The following MEOX1 variants were observed in gnomAD, a reference collection of about 807,000 sequenced individuals.
The protein encoded by MEOX1 is mesenchyme homeobox 1, also known as homeobox protein MOX-1.
In MEOX1, 17 loss-of-function variants were observed where a neutral mutation model predicts 23.2. The ratio of observed to expected loss-of-function variants is 0.73; its 90% CI spans 0.50 to 1.10. The LOEUF (loss-of-function observed/expected upper bound fraction) is 1.10, where lower values mean the gene tolerates loss of function less well. MEOX1 is among the 50% of genes least tolerant of loss of function. The pLI, the probability that MEOX1 is intolerant of heterozygous loss-of-function variation, is 0.00. For missense variants in MEOX1, 333 were observed against 332.2 expected (o/e 1.00, Z -0.02); for synonymous variants, 134 against 135.1 (o/e 0.99, Z 0.06).
chr17:43,644,469 T>C (rs1972765966), intron 1 of MEOX1, among the ~76,000 whole-genome samples: 2 of 152,230 alleles, frequency 1.3e-5, no homozygotes, highest in Admixed American at 1.3e-4. Flanking sequence ...AGCCTCTTAT[T>C]CCTCAATAGC....
At chr17:43,661,037 G>A in intron 1 of MEOX1, 29 bp downstream of exon 1, 1 of 1,409,316 alleles carries the variant, frequency 7.1e-7, no homozygotes, top group Non-Finnish European at 9.6e-7. Context: ...CACAGTAAAG[G>A]AATGATCAGC....
intron 1 of MEOX1, among the ~76,000 whole-genome samples, chr17:43,649,011 G>A (rs975276230): frequency 5.3e-5 from 8 of 152,162 alleles, no homozygotes; most frequent in Non-Finnish European, 8.8e-5. Context: ...AGTCCTTTAG[G>A]TTCTTGGAGC....
chr17:43,652,260 C>T (rs1160879553), intron 1 of MEOX1, among the ~76,000 whole-genome samples: 2 of 152,148 alleles, frequency 1.3e-5, no homozygotes, highest in African/African-American at 2.4e-5. Context: ...TCAAACCACA[C>T]CCCACCCAGC....
At chr17:43,645,472 C>T (rs371144789) in intron 1 of MEOX1, among the ~76,000 whole-genome samples, 4 of 152,158 alleles carry the variant, frequency 2.6e-5, no homozygotes, top group African/African-American at 4.8e-5. Flanking sequence ...CCACTGCGCC[C>T]GGTCCATTTT....
chr17:43,661,418 C>T lies in MEOX1; in HGVS notation c.117G>A (p.Pro39=), dbSNP rs201140101. Residue 39 remains proline, a synonymous_variant, in exon 1 of 3, where the codon CCG becomes CCA. Coordinates refer to ENST00000318579, the MANE Select transcript of MEOX1 (RefSeq NM_004527.4). ...TCTGGTGGAAGGAGAACGGGGTGGGCGGGTAGTGGGGTAGCCCTGAGGCCC... is the reference window on the plus strand; with the variant it reads ...TCTGGTGGAAGGAGAACGGGGTGGGTGGGTAGTGGGGTAGCCCTGAGGCCC... ...GNGASGLPHY[P]PTPFSFHQKP... 15 of 611,896 alleles carry T rather than the reference C, an allele frequency of 2.5e-5. No homozygotes were observed. The highest frequency in any genetic ancestry group is 2.1e-4 in the East Asian group (4 of 18,928). 37.9% of individuals were successfully genotyped at this position (611,896 alleles called of 1,614,324 possible).
chr17:43,656,632 G>A (rs1973024743), intron 1 of MEOX1, among the ~76,000 whole-genome samples: 1 of 152,180 alleles, frequency 6.6e-6, no homozygotes, highest in Admixed American at 6.5e-5. Flanking sequence ...AGCAGAGTGA[G>A]GACGTGAGAG....
chr17:43,652,587 A>C (rs1170849121), intron 1 of MEOX1, among the ~76,000 whole-genome samples: 1 of 152,150 alleles, frequency 6.6e-6, no homozygotes, highest in African/African-American at 2.4e-5. Flanking sequence ...AGGGAGGGTT[A>C]GGACTCACCC....
chr17:43,648,208 G>T (rs1336822075), intron 1 of MEOX1, among the ~76,000 whole-genome samples: 2 of 152,206 alleles, frequency 1.3e-5, no homozygotes, highest in Admixed American at 6.5e-5. Context: ...GGTGGCTCAG[G>T]CCTGTAATCC....
At chr17:43,648,330 G>T (rs1365778009) in intron 1 of MEOX1, among the ~76,000 whole-genome samples, 4 of 152,024 alleles carry the variant, frequency 2.6e-5, no homozygotes, top group African/African-American at 9.7e-5. Context: ...TTAGCCAGGC[G>T]TGGTGGCGGG....
chr17:43,653,803 C>T (rs111345350), intron 1 of MEOX1, among the ~76,000 whole-genome samples: 3,319 of 152,264 alleles, frequency 0.022, 101 homozygotes, highest in African/African-American at 0.075. Context: ...CCACCGCACC[C>T]GGCCAACTGC....
Position 43,661,366 on chromosome 17 carries a change from C to A in MEOX1, c.169G>T (p.Ala57Ser), listed in dbSNP as rs1257047496. 7 of 1,613,832 alleles carry A rather than the reference C, an allele frequency of 4.3e-6. No individual in the cohort carries two copies. The highest frequency in any genetic ancestry group is 5.9e-6 in the Non-Finnish European group (7 of 1,179,884). ...QKPDFLATAT[A>S]AYPDFSASCL... The stretch of plus-strand genomic sequence containing the variant: ...GAGGCTGAGAAGTCAGGGTACGCTG[C>A]CGTCGCTGTCGCCAGGAAGTCTGGT... Residue 57 changes from alanine (A) to serine (S), a missense_variant, in exon 1 of 3, where the codon GCA (alanine) becomes TCA (serine). Coordinates refer to ENST00000318579, the MANE Select transcript of MEOX1 (RefSeq NM_004527.4).
At chr17:43,652,143 G>C (rs1299123275) in intron 1 of MEOX1, among the ~76,000 whole-genome samples, 1 of 152,124 alleles carries the variant, frequency 6.6e-6, no homozygotes, top group African/African-American at 2.4e-5. Context: ...GTGTGGAGTT[G>C]CTGTCTCCCC....
At chr17:43,657,690 C>T (rs896163878) in intron 1 of MEOX1, among the ~76,000 whole-genome samples, 5 of 152,130 alleles carry the variant, frequency 3.3e-5, no homozygotes, top group African/African-American at 9.7e-5. Context: ...ATAACCTCTC[C>T]GGCAGGTCTC....
chr17:43,641,939 C>T lies in MEOX1; in HGVS notation c.736G>A (p.Asp246Asn), dbSNP rs1047633765. 1 of 1,613,922 alleles carries T rather than the reference C, an allele frequency of 6.2e-7. No individual in the cohort carries two copies. Among genetic ancestry groups the T allele is most frequent in the East Asian group, 2.2e-5 (1 of 44,874 alleles). ...TCTGAACTTGGAGAGGCTGTGGAGTCCCCATCCTCAGGGTCCTGCCCATTG... is the reference window on the plus strand; with the variant it reads ...TCTGAACTTGGAGAGGCTGTGGAGTTCCCATCCTCAGGGTCCTGCCCATTG... ...SPNGQDPEDG[D>N]STASPSSE Residue 246 changes from aspartate (D) to asparagine (N), a missense_variant, in exon 3 of 3, where the codon GAC (aspartate) becomes AAC (asparagine). Transcript: ENST00000318579.
intron 1 of MEOX1, among the ~76,000 whole-genome samples, chr17:43,648,466 CAAAAA>C (rs67553599): frequency 1.9e-5 from 2 of 107,496 alleles, no homozygotes; most frequent in Admixed American, 9.7e-5. Context: ...GACTCTGTCT[CAAAAA>C]AAAAAAAAAA....
chr17:43,649,488 G>A (rs928740864), intron 1 of MEOX1, among the ~76,000 whole-genome samples: 1 of 152,032 alleles, frequency 6.6e-6, no homozygotes, highest in African/African-American at 2.4e-5. Flanking sequence ...TGTATTTTTA[G>A]TAGAGATGGG....
chr17:43,649,383 C>T (rs991502332), intron 1 of MEOX1, among the ~76,000 whole-genome samples: 3 of 150,826 alleles, frequency 2.0e-5, no homozygotes, highest in South Asian at 2.1e-4. Context: ...CTCGGCTCAC[C>T]GCAACCTCTG....
rs1207047361 is a variant in MEOX1 at position 43,640,746 on chromosome 17, GCTGAGGTCTGGGCAGTCCACACAC to G, written c.*1140_*1163del. 1 of 152,190 alleles carries G rather than the reference GCTGAGGTCTGGGCAGTCCACACAC, an allele frequency of 6.6e-6. No individual in the cohort carries two copies. The highest frequency in any genetic ancestry group is 2.1e-4 in the South Asian group (1 of 4,824). The allele number at this position is 152,190 out of a possible 1,614,324, so 9.4% of individuals were successfully genotyped here. The stretch of plus-strand genomic sequence containing the variant: ...TCAAATGTCATCTCCAGAAGACCTG[GCTGAGGTCTGGGCAGTCCACACAC>G]AAAAACCTAGCATTTCCTCCCACAA... On this transcript the variant is annotated 3_prime_UTR_variant, in exon 3 of 3. Transcript: ENST00000318579.
intron 1 of MEOX1, among the ~76,000 whole-genome samples, chr17:43,645,406 T>A (rs1972788023): frequency 1.3e-5 from 2 of 152,140 alleles, no homozygotes; most frequent in Admixed American, 1.3e-4. Flanking sequence ...CTCGATCTCC[T>A]GACCTCGTGA....
Sources: allele counts gnomAD v4.1 joint callset (sites outside exome capture counted in the v4.1 genomes callset), GRCh38; gene constraint gnomAD v4.1.1; transcripts MANE v1.5; gene names NCBI Gene and HGNC (gene_info 2026-07-23, HGNC 2026-07-21).